The following RSRP1 variants were observed in gnomAD, a reference collection of about 807,000 sequenced individuals.
RSRP1 encodes arginine/serine-rich protein 1.
RSRP1 carries 37 observed loss-of-function variants against 33.0 expected under a neutral mutation model. The observed-to-expected ratio is 1.12, with a 90% CI of 0.86 to 1.48. The LOEUF (loss-of-function observed/expected upper bound fraction) is 1.48. Among genes scored for constraint, RSRP1 ranks in the 40% most tolerant of loss-of-function variants. The pLI, the probability that RSRP1 is intolerant of heterozygous loss-of-function variation, is 0.00. For missense variants in RSRP1, 402 were observed against 385.3 expected (o/e 1.04, Z -0.36); for synonymous variants, 167 against 158.7 (o/e 1.05, Z -0.40).
At chr1:25,311,771 TCAGGTGGCCA>T (rs1190593744) in intron 1 of RSRP1, among the ~76,000 whole-genome samples, 2 of 130,820 alleles carry the variant, frequency 1.5e-5, no homozygotes, top group African/African-American at 5.3e-5. Context: ...CAGCTGTGGT[TCAGGTGGCCA>T]CAGGTGTGAT....
At chr1:25,298,502 G>A (rs530530512) in intron 1 of RSRP1, among the ~76,000 whole-genome samples, 1 of 129,108 alleles carries the variant, frequency 7.7e-6, no homozygotes, top group East Asian at 2.0e-4. Flanking sequence ...AGTCATTTCA[G>A]TGCACCAGCT....
chr1:25,332,543 T>A (rs1160924219), intron 1 of RSRP1, among the ~76,000 whole-genome samples: 9 of 131,742 alleles, frequency 6.8e-5, no homozygotes, highest in African/African-American at 2.3e-4. Context: ...TTCAAAGACA[T>A]CTTGGAGTTC....
intron 1 of RSRP1, among the ~76,000 whole-genome samples, chr1:25,289,136 C>T (rs1183043440): frequency 7.6e-6 from 1 of 131,942 alleles, no homozygotes; most frequent in African/African-American, 2.6e-5. Context: ...TAATCCTCTA[C>T]GTGACCCTCT....
chr1:25,321,849 T>C (rs1187466617), intron 1 of RSRP1: 1 of 988,256 alleles, frequency 1.0e-6, no homozygotes, highest in East Asian at 2.3e-5. Flanking sequence ...AAAAATCCTG[T>C]GCTCCAAATC....
rs1427899164 is a variant in RSRP1 at position 25,313,281 on chromosome 1, A to G, written c.-67+24697T>C. On this transcript the variant is annotated intron_variant, in intron 1 of 1. Transcript: ENST00000561867. ...AAGAAGGTCCTCAACAGATGCCAGC[A>G]GCATGTTCTTGGACTTCCCAGCCTC... is the stretch of plus-strand genomic sequence containing the variant. Among the ~76,000 whole-genome samples the G allele has an allele frequency of 3.0e-5, 4 of 132,260 alleles. 2 individuals are homozygous for G. The highest frequency in any genetic ancestry group is 7.2e-5 in the Non-Finnish European group (4 of 55,782). 86.8% of individuals were successfully genotyped at this position (132,260 alleles called of 152,430 possible).
intron 1 of RSRP1, among the ~76,000 whole-genome samples, chr1:25,276,520 C>A (rs571151089): frequency 1.6e-5 from 1 of 63,254 alleles, no homozygotes; most frequent in African/African-American, 6.6e-5. Flanking sequence ...TAGGGAGACC[C>A]CCCCCCATCT....
chr1:25,263,869 T>C (rs972371110), intron 1 of RSRP1, among the ~76,000 whole-genome samples: 20 of 152,172 alleles, frequency 1.3e-4, no homozygotes, highest in Admixed American at 3.9e-4. Flanking sequence ...GGTACAGGCA[T>C]TGGGTAAATA....
chr1:25,309,351 T>C (rs190821934), intron 1 of RSRP1, among the ~76,000 whole-genome samples: 5 of 131,370 alleles, frequency 3.8e-5, no homozygotes, highest in Admixed American at 3.7e-4. Flanking sequence ...CCACTTGGCC[T>C]GAGAATCTCT....
rs1354542719 is a variant in RSRP1 at position 25,308,978 on chromosome 1, G to A, written c.-67+29000C>T. 1.5e-5 allele frequency among the ~76,000 whole-genome samples: 2 copies of A among 131,616 alleles called. 1 individual carries two copies. Among genetic ancestry groups the A allele is most frequent in the African/African-American group, 5.3e-5 (2 of 37,996 alleles). 86.3% of individuals were successfully genotyped at this position (131,616 alleles called of 152,430 possible). ...AGATTTAGCAACAGAACATAGCCCC[G>A]TTCTTTATGATGACTGATGCTGCAT... On this transcript the variant is annotated intron_variant, in intron 1 of 1. Transcript: ENST00000561867.
intron 1 of RSRP1, among the ~76,000 whole-genome samples, chr1:25,268,102 C>A (rs1479851209): frequency 7.5e-6 from 1 of 133,702 alleles, no homozygotes; most frequent in African/African-American, 2.6e-5. Flanking sequence ...GTTATTCAGC[C>A]AACAAATATT....
chr1:25,328,791 G>A, intron 1 of RSRP1: 1 of 521,534 alleles, frequency 1.9e-6, no homozygotes, highest in Non-Finnish European at 3.4e-6. Flanking sequence ...TTTTATGAAA[G>A]AATTTCTAAG....
intron 1 of RSRP1, among the ~76,000 whole-genome samples, chr1:25,305,587 T>TTGTTGC (rs1183175035): frequency 9.4e-6 from 1 of 105,864 alleles, no homozygotes; most frequent in Non-Finnish European, 2.1e-5. Context: ...ATGTATTTTG[T>TTGTTGC]TGTTGTTGTT....
rs1302205021 is a variant in RSRP1 at position 25,267,499 on chromosome 1, G to A, written c.-66-20470C>T. The stretch of plus-strand genomic sequence containing the variant: ...AGACTGGGGTCCACGGGACACCCCA[G>A]CCACGCCAAGCCGGGAAGTCCCCGC... On this transcript the variant is annotated intron_variant, in intron 1 of 1. Transcript: ENST00000561867. 4.0e-5 allele frequency among the ~76,000 whole-genome samples: 5 copies of A among 123,536 alleles called. 1 individual carries two copies. The highest frequency in any genetic ancestry group is 7.6e-5 in the Non-Finnish European group (4 of 52,898). The allele number at this position is 123,536 out of a possible 152,430, so 81.0% of individuals were successfully genotyped here. A position where few individuals can be genotyped will look rare whatever the true frequency, so the allele number is the denominator to read the frequency against.
intron 1 of RSRP1, among the ~76,000 whole-genome samples, chr1:25,302,682 G>A (rs1292682477): frequency 1.5e-5 from 2 of 130,418 alleles, no homozygotes; most frequent in South Asian, 2.4e-4. Flanking sequence ...CAGTCACACA[G>A]GGTGGCACAG....
At chr1:25,330,603 A>G (rs1478001701) in intron 1 of RSRP1, among the ~76,000 whole-genome samples, 1 of 131,260 alleles carries the variant, frequency 7.6e-6, no homozygotes, top group Non-Finnish European at 1.8e-5. Flanking sequence ...TTTCCTACAC[A>G]GCACATAAAA....
rs17421144 is a variant in RSRP1 at position 25,300,968 on chromosome 1, T to C, written c.-67+37010A>G. The C allele has an allele frequency of 1.6e-4, 215 of 1,378,896 alleles. 34 individuals carry two copies. The African/African-American group carries it at 2.7e-3, about 17-fold the overall frequency. The allele number at this position is 1,378,896 out of a possible 1,614,324, so 85.4% of individuals were successfully genotyped here. A position where few individuals can be genotyped will look rare whatever the true frequency, so the allele number is the denominator to read the frequency against. On this transcript the variant is annotated intron_variant, in intron 1 of 1. Coordinates refer to the RSRP1 transcript ENST00000561867. ...CAGACAGACTACCACATGAACATGA[T>C]GCACATCTACGTGTTCGCAGCCTAT...
chr1:25,292,522 T>C lies in RSRP1; in HGVS notation c.-67+45456A>G, dbSNP rs1642599566. On this transcript the variant is annotated intron_variant, in intron 1 of 1. Transcript: ENST00000561867. ...GGAGAGGGTCAAGATGACTTCAAGG[T>C]TCTCATCTGGCACAACTCAGCGGCT... 1.5e-5 allele frequency among the ~76,000 whole-genome samples: 2 copies of C among 131,806 alleles called. 1 individual carries two copies. The highest frequency in any genetic ancestry group is 4.6e-4 in the South Asian group (2 of 4,304). 86.5% of individuals were successfully genotyped at this position (131,806 alleles called of 152,430 possible).
rs1641358257 is a variant in RSRP1, at chr1:25,280,266, C to A, written c.-66-33237G>T. ...ATCGGGATCAGGGGCAGCAGCTGTG[C>A]CCAATAAAGCCCCCACCCAGGATCC... On this transcript the variant is annotated intron_variant, in intron 1 of 1. Transcript: ENST00000561867. 1.6e-5 allele frequency among the ~76,000 whole-genome samples: 2 copies of A among 126,954 alleles called. 1 individual carries two copies. Among genetic ancestry groups the A allele is most frequent in the South Asian group, 4.7e-4 (2 of 4,236 alleles). 83.3% of individuals were successfully genotyped at this position (126,954 alleles called of 152,430 possible). A position where few individuals can be genotyped will look rare whatever the true frequency, so the allele number is the denominator to read the frequency against.
intron 1 of RSRP1, among the ~76,000 whole-genome samples, chr1:25,282,299 G>A (rs1212418419): frequency 1.5e-5 from 2 of 131,262 alleles, no homozygotes; most frequent in East Asian, 2.0e-4. Flanking sequence ...CAGTGGTGCG[G>A]TCTCAGCTCA....
Sources: gnomAD v4.1 joint callset for allele counts (sites outside exome capture counted in the v4.1 genomes callset) on GRCh38, gnomAD v4.1.1 for gene constraint, MANE v1.5 for transcripts, NCBI Gene and HGNC (gene_info 2026-07-23, HGNC 2026-07-21) for gene names.